Variants in TMEM229B observed in about 807,000 individuals in gnomAD.
TMEM229B encodes transmembrane protein 229B.
A neutral mutation model predicts 13.7 loss-of-function variants in TMEM229B; 6 were observed. The observed-to-expected ratio is 0.44, with a 90% CI of 0.24 to 0.86. The LOEUF (loss-of-function observed/expected upper bound fraction) is 0.86, where lower values mean the gene tolerates loss of function less well. Ranked by LOEUF, TMEM229B falls within the 40% of genes least tolerant of loss-of-function variation. The pLI is 0.23. For synonymous variants in TMEM229B, 107 were observed against 102.1 expected (o/e 1.05, Z -0.29); for missense variants, 170 against 236.0 (o/e 0.72, Z 1.83).
chr14:67,505,520 G>A (rs574684366), intron 1 of TMEM229B, among the ~76,000 whole-genome samples: 1 of 152,146 alleles, frequency 6.6e-6, no homozygotes, highest in African/African-American at 2.4e-5. Context: ...GCCCAGGGAT[G>A]TGTGATTGTT....
intron 1 of TMEM229B, among the ~76,000 whole-genome samples, chr14:67,514,302 T>C (rs1438575358): frequency 6.6e-6 from 1 of 152,132 alleles, no homozygotes. Context: ...CGTTTCTGAC[T>C]GAGCATAGAA....
rs2030889670 is a variant in TMEM229B at position 67,473,252 on chromosome 14, G to A, written c.*168C>T. ...CCCCATCCCCCAACACCTGACCACG[G>A]CCCCCCAACACCGGCCCCCGCGGAC... is the stretch of plus-strand genomic sequence containing the variant. On this transcript the variant is annotated 3_prime_UTR_variant, in exon 3 of 3. Transcript: ENST00000554480. This position sits in a 1 kb window ranked among gnomAD's most constrained non-coding sequence, Gnocchi z 6.5. The A allele has an allele frequency of 2.3e-6, 2 of 885,114 alleles. No individual in the cohort carries two copies. Among genetic ancestry groups the A allele is most frequent in the Non-Finnish European group, 3.4e-6 (2 of 592,190 alleles). 54.8% of individuals were successfully genotyped at this position (885,114 alleles called of 1,614,324 possible).
At chr14:67,475,990 A>C (rs1211980120) in intron 2 of TMEM229B, among the ~76,000 whole-genome samples, 1 of 152,256 alleles carries the variant, frequency 6.6e-6, no homozygotes, top group East Asian at 1.9e-4. Context: ...TCTCTAAATG[A>C]CATGTCCTGT....
chr14:67,530,741 G>A (rs1326535377), intron 1 of TMEM229B, among the ~76,000 whole-genome samples: 1 of 152,222 alleles, frequency 6.6e-6, no homozygotes, highest in African/African-American at 2.4e-5. Context: ...GCCCTTGCAT[G>A]AATGGAGTGT....
chr14:67,508,135 C>CAAAAAAAAAAAAAAAAAAAAA (rs34715322), intron 1 of TMEM229B, among the ~76,000 whole-genome samples: 1 of 130,632 alleles, frequency 7.7e-6, no homozygotes, highest in African/African-American at 3.0e-5. Flanking sequence ...AACTCCATCT[C>CAAAAAAAAAAAAAAAAAAAAA]AAAAAAAAAA....
At chr14:67,517,212 C>T (rs1302471475), upstream of TMEM229B, among the ~76,000 whole-genome samples, 1 of 152,156 alleles carries the variant, frequency 6.6e-6, no homozygotes, top group East Asian at 1.9e-4. Context: ...ATCCCCTGTG[C>T]CCCCTTGCCA....
At chr14:67,492,234 G>A (rs1045379256), upstream of TMEM229B, among the ~76,000 whole-genome samples, 23 of 152,148 alleles carry the variant, frequency 1.5e-4, no homozygotes, top group African/African-American at 5.6e-4. Context: ...GCAATCAGTA[G>A]CTGCTGCTTG....
chr14:67,474,038 G>C, intron 2 of TMEM229B, 97 bp from the exon 3 acceptor site: 1 of 1,339,050 alleles, frequency 7.5e-7, no homozygotes, highest in Non-Finnish European at 9.9e-7. Flanking sequence ...GATCACTTGA[G>C]GTCAGGAGTT....
rs535296414 is a variant in TMEM229B at position 67,487,635 on chromosome 14, T to C, written c.-191-463A>G. On this transcript the variant is annotated intron_variant, in intron 1 of 2. Coordinates refer to ENST00000554480, the MANE Select transcript of TMEM229B (RefSeq NM_001348543.2). Reference sequence around the variant, plus strand: ...CAACCACTCGTGCAGAAAAACAAAATGTGTGCTAAACCTTTCTACGTACTA... The same window carrying C: ...CAACCACTCGTGCAGAAAAACAAAACGTGTGCTAAACCTTTCTACGTACTA... Among the ~76,000 whole-genome samples, 82 of 152,298 alleles carry C rather than the reference T, an allele frequency of 5.4e-4. 1 individual carries two copies. Among genetic ancestry groups the C allele is most frequent in the Non-Finnish European group, 8.8e-4 (60 of 68,004 alleles).
chr14:67,520,242 A>G (rs906441067), upstream of TMEM229B, among the ~76,000 whole-genome samples: 2 of 152,088 alleles, frequency 1.3e-5, no homozygotes, highest in African/African-American at 2.4e-5. Context: ...TGTTCTTTTT[A>G]TGAGTTTGGA....
chr14:67,477,260 C>A (rs2031275204), intron 2 of TMEM229B, among the ~76,000 whole-genome samples: 2 of 152,204 alleles, frequency 1.3e-5, no homozygotes, highest in South Asian at 4.1e-4. Flanking sequence ...ATGACCTTGC[C>A]CCGATTGACA....
intron 1 of TMEM229B, among the ~76,000 whole-genome samples, chr14:67,494,700 A>T (rs1244252773): frequency 2.0e-5 from 3 of 152,224 alleles, no homozygotes; most frequent in Non-Finnish European, 4.4e-5. Context: ...TGTGGTGCAC[A>T]GAATCAGCAT....
rs1236479427 is a variant in TMEM229B, at chr14:67,500,720, C to T, written c.-191-13548G>A. Among the ~76,000 whole-genome samples the T allele has an allele frequency of 4.0e-5, 6 of 151,444 alleles. No homozygotes were observed. In the South Asian group the frequency reaches 8.4e-4, roughly 21 times the overall value. On this transcript the variant is annotated intron_variant, in intron 1 of 2. Coordinates refer to the TMEM229B transcript ENST00000357461. ...CCGAGTAGCTGAGACTACAGGCGCC[C>T]GCCACCACGCCCGGCTAATTTTTTG...
intron 1 of TMEM229B, chr14:67,503,348 T>C (rs1016188893): frequency 2.0e-5 from 3 of 152,220 alleles, no homozygotes; most frequent in Admixed American, 6.5e-5. Context: ...GGCGTGTGTA[T>C]GCCAGATTAG....
At chr14:67,475,423 A>T (rs1175959198) in intron 2 of TMEM229B, among the ~76,000 whole-genome samples, 1 of 152,138 alleles carries the variant, frequency 6.6e-6, no homozygotes, top group African/African-American at 2.4e-5. Context: ...GAAATACTGG[A>T]TCATATGGTA....
intron 1 of TMEM229B, among the ~76,000 whole-genome samples, chr14:67,512,919 A>C (rs1305440781): frequency 6.6e-6 from 1 of 152,214 alleles, no homozygotes; most frequent in Non-Finnish European, 1.5e-5. Flanking sequence ...TTTGCCTATC[A>C]CAAAAGCTGT....
Position 67,473,034 on chromosome 14 carries a change from C to A in TMEM229B, c.*386G>T. On this transcript the variant is annotated 3_prime_UTR_variant, in exon 3 of 3. Coordinates refer to ENST00000554480, the MANE Select transcript of TMEM229B (RefSeq NM_001348543.2). This position sits in a 1 kb window ranked among gnomAD's most constrained non-coding sequence, Gnocchi z 6.5. ...AGCCAAAGCTCAACTAAATCCAGAT[C>A]GGAGGGAGGGAGGTCAGGCCTTGCC... 1.3e-5 allele frequency: 3 copies of A among 229,554 alleles called. No homozygotes were observed. Among genetic ancestry groups the A allele is most frequent in the Non-Finnish European group, 8.6e-6 (1 of 115,832 alleles). 14.2% of individuals were successfully genotyped at this position (229,554 alleles called of 1,614,324 possible).
chr14:67,490,911 G>A (rs573015235), upstream of TMEM229B, among the ~76,000 whole-genome samples: 2 of 152,060 alleles, frequency 1.3e-5, no homozygotes, highest in Non-Finnish European at 2.9e-5. Context: ...GGGCAGATAT[G>A]CCCCCCATAT....
upstream of TMEM229B, among the ~76,000 whole-genome samples, chr14:67,490,697 G>A (rs1000475638): frequency 6.6e-5 from 10 of 151,922 alleles, no homozygotes; most frequent in Non-Finnish European, 2.9e-5. Context: ...CTCTCTCCCC[G>A]GCCCCTCATC....
Sources: allele counts gnomAD v4.1 joint callset (sites outside exome capture counted in the v4.1 genomes callset), GRCh38; gene constraint gnomAD v4.1.1; non-coding constraint Gnocchi (gnomAD v3.1); transcripts MANE v1.5; gene names NCBI Gene and HGNC (gene_info 2026-07-23, HGNC 2026-07-21).